Variants in CACNA1C observed in about 807,000 individuals in gnomAD.
CACNA1C encodes the protein calcium voltage-gated channel subunit alpha1 C.
In CACNA1C, 30 loss-of-function variants were observed where a neutral mutation model predicts 229.0. The ratio of observed to expected loss-of-function variants is 0.13; its 90% CI spans 0.10 to 0.18. The LOEUF (loss-of-function observed/expected upper bound fraction) is 0.18. CACNA1C is among the 10% of genes least tolerant of loss of function. The pLI, the probability that CACNA1C is intolerant of heterozygous loss-of-function variation, is 1.00. For synonymous variants in CACNA1C, 1,114 were observed against 1,132.5 expected (o/e 0.98, Z 0.33); for missense variants, 1,658 against 2,845.0 (o/e 0.58, Z 9.49).
intron 8 of CACNA1C, among the ~76,000 whole-genome samples, chr12:2,511,285 A>T (rs762947858): frequency 1.3e-5 from 2 of 152,242 alleles, no homozygotes; most frequent in Non-Finnish European, 2.9e-5. Context: ...AAGACGGTGC[A>T]TGCTGAAATT....
In CACNA1C at chr12:2,690,663, T is replaced by C. The variant is rs200597883; in HGVS notation, c.6118-237T>C. On this transcript the variant is annotated intron_variant, in intron 46 of 46. Transcript: ENST00000399655. ...CAAGTCTTCATATATTTGATGACAG[T>C]GTTTGACCACCCCAGCCAAAACTTC... 1.2e-5 allele frequency: 6 copies of C among 492,310 alleles called. No homozygotes were observed. In the East Asian group the frequency reaches 1.9e-4, roughly 16 times the overall value. The allele number at this position is 492,310 out of a possible 1,614,324, so 30.5% of individuals were successfully genotyped here. A position where few individuals can be genotyped will look rare whatever the true frequency, so the allele number is the denominator to read the frequency against.
chr12:2,043,846 G>A (rs1020642033), intron 1 of CACNA1C, among the ~76,000 whole-genome samples: 5 of 145,644 alleles, frequency 3.4e-5, no homozygotes, highest in Admixed American at 6.8e-5. Flanking sequence ...TAGTAGAGAC[G>A]GGGTTTCACC....
At chr12:2,489,100 TTTTC>T (rs767483128) in intron 6 of CACNA1C, among the ~76,000 whole-genome samples, 47 of 152,262 alleles carry the variant, frequency 3.1e-4, no homozygotes, top group African/African-American at 7.7e-4. Context: ...GGTTTAATTT[TTTTC>T]TTTCTTTCTT....
chr12:2,175,884 T>C (rs2096630649), intron 3 of CACNA1C, among the ~76,000 whole-genome samples: 2 of 152,182 alleles, frequency 1.3e-5, no homozygotes, highest in African/African-American at 2.4e-5. Context: ...TTTAATTAAT[T>C]GATTAAACAA....
intron 3 of CACNA1C, among the ~76,000 whole-genome samples, chr12:2,229,510 TAGAG>T (rs1214968721): frequency 6.6e-6 from 1 of 152,080 alleles, no homozygotes; most frequent in Non-Finnish European, 1.5e-5. Context: ...TACAATCTAG[TAGAG>T]AGACAATGAA....
chr12:2,134,398 G>A (rs1291955448), intron 3 of CACNA1C, among the ~76,000 whole-genome samples: 1 of 53,524 alleles, frequency 1.9e-5, no homozygotes, highest in Non-Finnish European at 3.4e-5. Flanking sequence ...TTTCTTCCTA[G>A]TCTCGATGGT....
chr12:1,973,108 C>T (rs2033062008), intron 1 of CACNA1C, among the ~76,000 whole-genome samples: 1 of 152,212 alleles, frequency 6.6e-6, no homozygotes, highest in Non-Finnish European at 1.5e-5. Context: ...TCTGCGTTAG[C>T]TTTACTGACC....
intron 13 of CACNA1C, among the ~76,000 whole-genome samples, chr12:2,577,525 T>G (rs1568533584): frequency 6.6e-6 from 1 of 152,198 alleles, no homozygotes. Context: ...TCCCCATGGA[T>G]GTAGGGAAGC....
Position 2,679,024 on chromosome 12 carries a change from C to T in CACNA1C, c.5092-420C>T, listed in dbSNP as rs552132885. Reference sequence around the variant, plus strand: ...TCCATTTTTTAAATCTGGTTAGAATCTTCTGGTCGCTCTCCCAGCCCCCGC... The same window carrying T: ...TCCATTTTTTAAATCTGGTTAGAATTTTCTGGTCGCTCTCCCAGCCCCCGC... On this transcript the variant is annotated intron_variant, in intron 41 of 46. Transcript: ENST00000399655. This position sits in a 1 kb window ranked among gnomAD's most constrained non-coding sequence, Gnocchi z 5.5. 6.6e-6 allele frequency among the ~76,000 whole-genome samples: 1 copy of T among 152,336 alleles called. No individual in the cohort carries two copies. The highest frequency in any genetic ancestry group is 1.5e-5 in the Non-Finnish European group (1 of 68,028).
In CACNA1C at chr12:2,695,163, A is replaced by G. The variant is rs868720808; in HGVS notation, c.*3964A>G. On this transcript the variant is annotated 3_prime_UTR_variant, in exon 47 of 47. Coordinates refer to ENST00000399655, the MANE Select transcript of CACNA1C (RefSeq NM_000719.7). The stretch of plus-strand genomic sequence containing the variant: ...ACCTGCCTCTGGGGCAAATGTCAGC[A>G]CAGAGAGGACTGGGAGGAGAATGGA... 6.6e-6 allele frequency: 1 copy of G among 152,266 alleles called. No homozygotes were observed. Among genetic ancestry groups the G allele is most frequent in the African/African-American group, 2.4e-5 (1 of 41,468 alleles). The allele number at this position is 152,266 out of a possible 1,614,324, so 9.4% of individuals were successfully genotyped here. A position where few individuals can be genotyped will look rare whatever the true frequency, so the allele number is the denominator to read the frequency against.
chr12:2,628,367 C>T (rs1293408951), intron 29 of CACNA1C, among the ~76,000 whole-genome samples: 2 of 152,236 alleles, frequency 1.3e-5, no homozygotes, highest in African/African-American at 4.8e-5. Context: ...TGACAACCTG[C>T]ACCCTGTCGC....
intron 34 of CACNA1C, among the ~76,000 whole-genome samples, chr12:2,661,149 C>T (rs1372325638): frequency 6.6e-6 from 1 of 151,936 alleles, no homozygotes; most frequent in Non-Finnish European, 1.5e-5. Flanking sequence ...GTAGTCCCAG[C>T]TACTTGAGAA....
At chr12:2,068,345 G>T (rs541365806) in intron 1 of CACNA1C, among the ~76,000 whole-genome samples, 18 of 152,302 alleles carry the variant, frequency 1.2e-4, no homozygotes, top group African/African-American at 3.8e-4. Context: ...GGTCTGGTGT[G>T]GGGGAGGGTT....
chr12:2,488,553 A>G lies in CACNA1C; in HGVS notation c.916+2291A>G, dbSNP rs1567984330. Among the ~76,000 whole-genome samples, 1 of 152,244 alleles carries G rather than the reference A, an allele frequency of 6.6e-6. No homozygotes were observed. Reference sequence around the variant, plus strand: ...CCCTTGATAGTAAACAGGACCAGGAAAAGTGCCTGAGAAGTTGCCTCCTAC... The same window carrying G: ...CCCTTGATAGTAAACAGGACCAGGAGAAGTGCCTGAGAAGTTGCCTCCTAC... On this transcript the variant is annotated intron_variant, in intron 6 of 46. Coordinates refer to ENST00000399655, the MANE Select transcript of CACNA1C (RefSeq NM_000719.7). This position sits in a 1 kb window ranked among gnomAD's most constrained non-coding sequence, Gnocchi z 4.0.
intron 3 of CACNA1C, among the ~76,000 whole-genome samples, chr12:2,404,913 T>G (rs2098719375): frequency 6.6e-6 from 1 of 151,692 alleles, no homozygotes; most frequent in African/African-American, 2.4e-5. Context: ...GTTTCTGACT[T>G]CTTCTCAAAT....
At chr12:2,447,174 T>C (rs1258506754) in intron 3 of CACNA1C, among the ~76,000 whole-genome samples, 1 of 152,192 alleles carries the variant, frequency 6.6e-6, no homozygotes, top group Non-Finnish European at 1.5e-5. Context: ...TGTTGTCTCA[T>C]GTTTTCTTCT....
At chr12:2,582,966 C>T (rs745577830) in intron 15 of CACNA1C, 24 bp downstream of exon 15, 1 of 1,512,234 alleles carries the variant, frequency 6.6e-7, no homozygotes, top group Admixed American at 2.0e-5. Context: ...CTGCCCCCCA[C>T]CCCTGCGGCC....
At chr12:2,624,365 A>C in intron 29 of CACNA1C, among the ~76,000 whole-genome samples, 1 of 152,186 alleles carries the variant, frequency 6.6e-6, no homozygotes, top group East Asian at 1.9e-4. Flanking sequence ...GGAAATACTT[A>C]TCCAAGGAGC....
chr12:2,011,151 C>CAAAAAAAAA (rs59227490), intron 1 of CACNA1C: 1 of 100,674 alleles, frequency 9.9e-6, no homozygotes, highest in African/African-American at 3.9e-5. Flanking sequence ...AACTGAGTCT[C>CAAAAAAAAA]AAAAAAAAAA....
Sources: gnomAD v4.1 joint callset for allele counts (sites outside exome capture counted in the v4.1 genomes callset) on GRCh38, gnomAD v4.1.1 for gene constraint, Gnocchi (gnomAD v3.1) non-coding constraint, MANE v1.5 for transcripts, NCBI Gene and HGNC (gene_info 2026-07-23, HGNC 2026-07-21) for gene names.